Variants in ARHGEF28 observed in about 807,000 individuals in gnomAD.
ARHGEF28 encodes the protein Rho guanine nucleotide exchange factor 28.
In ARHGEF28, 152 loss-of-function variants were observed where a neutral mutation model predicts 206.6. The ratio of observed to expected loss-of-function variants is 0.74; its 90% CI spans 0.64 to 0.84. ARHGEF28 has a LOEUF of 0.84. ARHGEF28 is among the 40% of genes least tolerant of loss of function. The pLI, the probability that ARHGEF28 is intolerant of heterozygous loss-of-function variation, is 0.00. For synonymous variants in ARHGEF28, 763 were observed against 776.4 expected, an observed-to-expected ratio of 0.98 and a Z score of 0.29; for missense variants, 2,028 against 2,073.2, an observed-to-expected ratio of 0.98 and a Z score of 0.42.
intron 26 of ARHGEF28, among the ~76,000 whole-genome samples, chr5:73,889,536 C>T (rs1319710075): frequency 1.3e-5 from 2 of 152,238 alleles, no homozygotes; most frequent in African/African-American, 4.8e-5. Flanking sequence ...ACAACCAAGA[C>T]AGTGAACATG....
chr5:73,923,067 C>T (rs771195823), intron 35 of ARHGEF28: 49 of 1,532,124 alleles, frequency 3.2e-5, no homozygotes, highest in South Asian at 4.8e-5. Flanking sequence ...TCTGGTAATG[C>T]GGCCATATTT....
intron 22 of ARHGEF28, 66 bp from the exon 23 acceptor site, chr5:73,882,406 G>A (rs1168833279): frequency 7.1e-6 from 8 of 1,124,628 alleles, no homozygotes; most frequent in Non-Finnish European, 9.6e-6. Flanking sequence ...GATGAAAATT[G>A]CATATTTTTT....
chr5:73,778,464 G>T (rs996730854), intron 6 of ARHGEF28, among the ~76,000 whole-genome samples: 7 of 152,104 alleles, frequency 4.6e-5, no homozygotes. Flanking sequence ...AAATGGAGAT[G>T]GCTCTCCAGT....
At chr5:73,872,311 T>G (rs1232231491) in intron 21 of ARHGEF28, among the ~76,000 whole-genome samples, 1 of 152,200 alleles carries the variant, frequency 6.6e-6, no homozygotes, top group Admixed American at 6.6e-5. Flanking sequence ...TTCAAATCCT[T>G]TGACCATTTT....
intron 11 of ARHGEF28, among the ~76,000 whole-genome samples, chr5:73,844,556 T>A (rs1333682510): frequency 6.6e-6 from 1 of 151,772 alleles, no homozygotes; most frequent in Non-Finnish European, 1.5e-5. Context: ...TTAAATAGCC[T>A]ATTTTTTTTT....
chr5:73,725,973 T>C (rs1029017966), intron 2 of ARHGEF28, among the ~76,000 whole-genome samples: 3 of 152,196 alleles, frequency 2.0e-5, no homozygotes, highest in African/African-American at 7.2e-5. Flanking sequence ...GCATTAACAA[T>C]AAAATTCCTG....
chr5:73,699,136 GT>G (rs1451289398), intron 2 of ARHGEF28, among the ~76,000 whole-genome samples: 2 of 151,988 alleles, frequency 1.3e-5, no homozygotes, highest in East Asian at 3.9e-4. Context: ...GGCAGCCCTA[GT>G]TTCTCCCCTA....
chr5:73,680,546 G>A (rs867814607), intron 1 of ARHGEF28, among the ~76,000 whole-genome samples: 5 of 147,944 alleles, frequency 3.4e-5, no homozygotes, highest in East Asian at 2.0e-4. Flanking sequence ...GATAAAAGAC[G>A]ACACATTGGG....
intron 1 of ARHGEF28, among the ~76,000 whole-genome samples, chr5:73,668,885 A>G (rs16870663): frequency 0.042 from 6,423 of 152,258 alleles, 455 homozygotes; most frequent in African/African-American, 0.15. Flanking sequence ...TCATGAAAAT[A>G]TAACTTTAGG....
At chr5:73,760,970 C>T (rs11738018) in intron 4 of ARHGEF28, among the ~76,000 whole-genome samples, 50,988 of 152,062 alleles carry the variant, frequency 0.34, 9,459 homozygotes, top group African/African-American at 0.49. Context: ...GCACTTACTC[C>T]CACTTCTGGG....
At chr5:73,760,091 C>G (rs906069696) in intron 4 of ARHGEF28, among the ~76,000 whole-genome samples, 3 of 152,186 alleles carry the variant, frequency 2.0e-5, no homozygotes, top group Admixed American at 6.5e-5. Flanking sequence ...GATGACTGCA[C>G]TGTGTCCAGG....
chr5:73,824,189 A>T (rs1756759532), intron 9 of ARHGEF28, among the ~76,000 whole-genome samples: 1 of 152,242 alleles, frequency 6.6e-6, no homozygotes, highest in Non-Finnish European at 1.5e-5. Flanking sequence ...TGATATTTTA[A>T]GTAAAGGATT....
intron 9 of ARHGEF28, among the ~76,000 whole-genome samples, chr5:73,797,947 T>C (rs1214578038): frequency 6.6e-6 from 1 of 152,196 alleles, no homozygotes; most frequent in Non-Finnish European, 1.5e-5. Context: ...ATTGAGCATG[T>C]GACATGTGAC....
At chr5:73,699,471 G>A (rs926554572) in intron 2 of ARHGEF28, among the ~76,000 whole-genome samples, 1 of 152,252 alleles carries the variant, frequency 6.6e-6, no homozygotes, top group Middle Eastern at 3.4e-3. Flanking sequence ...AGAGTTGCAG[G>A]TATACACCAT....
chr5:73,910,017 A>AT (rs1762798382), intron 34 of ARHGEF28, 120 bp downstream of exon 34: 1 of 1,349,116 alleles, frequency 7.4e-7, no homozygotes, highest in Non-Finnish European at 9.5e-7. Flanking sequence ...CCTCATGAGG[A>AT]TTTTTCAATT....
At chr5:73,699,221 AT>A (rs1440139593) in intron 2 of ARHGEF28, among the ~76,000 whole-genome samples, 1 of 150,398 alleles carries the variant, frequency 6.6e-6, no homozygotes, top group East Asian at 2.0e-4. Context: ...GGGGAGTGCA[AT>A]TTCTGAATAA....
chr5:73,799,334 G>A (rs979193703), intron 9 of ARHGEF28, among the ~76,000 whole-genome samples: 1 of 152,152 alleles, frequency 6.6e-6, no homozygotes, highest in African/African-American at 2.4e-5. Context: ...CAGCAAAGCT[G>A]CGAATGGCTT....
intron 4 of ARHGEF28, among the ~76,000 whole-genome samples, chr5:73,773,643 C>T (rs1248956503): frequency 6.6e-6 from 1 of 152,194 alleles, no homozygotes; most frequent in African/African-American, 2.4e-5. Flanking sequence ...CTCAGCGGAC[C>T]TGGCCCCAGC....
At chr5:73,647,148 A>G (rs1395394160) in intron 1 of ARHGEF28, among the ~76,000 whole-genome samples, 1 of 152,198 alleles carries the variant, frequency 6.6e-6, no homozygotes, top group Admixed American at 6.5e-5. Context: ...GGAAAATTCC[A>G]CACCTGACCT....
Sources: allele counts gnomAD v4.1 joint callset (sites outside exome capture counted in the v4.1 genomes callset), GRCh38; gene constraint gnomAD v4.1.1; transcripts MANE v1.5; gene names NCBI Gene and HGNC (gene_info 2026-07-23, HGNC 2026-07-21).